The following SLIT1 variants were observed in gnomAD, a reference collection of about 807,000 sequenced individuals.
SLIT1 encodes slit guidance ligand 1.
In SLIT1, 66 loss-of-function variants were observed where a neutral mutation model predicts 186.1. The ratio of observed to expected loss-of-function variants is 0.35; its 90% CI spans 0.29 to 0.44. The LOEUF is 0.44. SLIT1 is among the 20% of genes least tolerant of loss of function. The pLI is 1.00. For synonymous variants in SLIT1, 761 were observed against 833.8 expected (o/e 0.91, Z 1.50); for missense variants, 1,638 against 2,037.4 (o/e 0.80, Z 3.77).
chr10:97,093,921 A>G (rs1849259591), intron 4 of SLIT1, among the ~76,000 whole-genome samples: 1 of 152,230 alleles, frequency 6.6e-6, no homozygotes, highest in Non-Finnish European at 1.5e-5. Context: ...TCACAGCCAC[A>G]CTTTCCCTTA....
At chr10:97,008,635 G>T (rs1264960608) in intron 31 of SLIT1, among the ~76,000 whole-genome samples, 2 of 151,050 alleles carry the variant, frequency 1.3e-5, no homozygotes, top group East Asian at 2.0e-4. Flanking sequence ...GGTGGAGGTT[G>T]CAGTGAGCCA....
At chr10:97,002,492 C>G (rs1175680476) in intron 35 of SLIT1, 123 bp from the exon 36 acceptor site, 11 of 624,802 alleles carry the variant, frequency 1.8e-5, no homozygotes, top group Non-Finnish European at 2.5e-6. Context: ...TTAATCTGTT[C>G]CCAAAACTGA....
At chr10:97,119,912 G>GAT (rs1564680617) in intron 4 of SLIT1, among the ~76,000 whole-genome samples, 2 of 15,840 alleles carry the variant, frequency 1.3e-4, no homozygotes, top group Non-Finnish European at 3.7e-4. Context: ...TTTCCAAAGG[G>GAT]GTATATATAT....
At chr10:97,033,539 G>T (rs766775643) in intron 23 of SLIT1, among the ~76,000 whole-genome samples, 5 of 152,208 alleles carry the variant, frequency 3.3e-5, no homozygotes, top group Admixed American at 6.5e-5. Context: ...GATGAGGAAA[G>T]TGTGGCCCGT....
chr10:97,003,660 G>A (rs1028490076), intron 34 of SLIT1, among the ~76,000 whole-genome samples: 1 of 152,160 alleles, frequency 6.6e-6, no homozygotes, highest in Non-Finnish European at 1.5e-5. Context: ...AAGGCCAGCC[G>A]AGGCAGTCCC....
rs1554854785 is a variant in SLIT1 at position 97,166,569 on chromosome 10, G to GAGAAAGAA, written c.198-1687_198-1680dup. Among the ~76,000 whole-genome samples, 115 of 58,938 alleles carry GAGAAAGAA rather than the reference G, an allele frequency of 2.0e-3. 4 individuals carry two copies. Among genetic ancestry groups the GAGAAAGAA allele is most frequent in the Admixed American group, 6.1e-3 (32 of 5,274 alleles). The allele number at this position is 58,938 out of a possible 152,430, so 38.7% of individuals were successfully genotyped here. ...AAGGAAGGAAGGAAAGAGAGAGAGA[G>GAGAAAGAA]AGAAAGAAAGAAAGAAAGAAAGAAA... is the stretch of plus-strand genomic sequence containing the variant. On this transcript the variant is annotated intron_variant, in intron 1 of 36. Coordinates refer to ENST00000266058, the MANE Select transcript of SLIT1 (RefSeq NM_003061.3).
Position 97,035,785 on chromosome 10 carries a change from C to T in SLIT1, c.2367-1243G>A, listed in dbSNP as rs866285143. Among the ~76,000 whole-genome samples the T allele has an allele frequency of 2.6e-4, 39 of 152,232 alleles. No homozygotes were observed. In the Middle Eastern group the frequency reaches 0.02, roughly 80 times the overall value. ...CCCTCCCTCCCTCTGCTCCCTGCTC[C>T]GAAGACTTCCCAGGCTTAGGATTCA... On this transcript the variant is annotated intron_variant, in intron 22 of 36. Coordinates refer to ENST00000266058, the MANE Select transcript of SLIT1 (RefSeq NM_003061.3).
intron 20 of SLIT1, among the ~76,000 whole-genome samples, chr10:97,040,596 A>G (rs1848682322): frequency 6.6e-6 from 1 of 152,188 alleles, no homozygotes; most frequent in Non-Finnish European, 1.5e-5. Context: ...AGCAGCCCTC[A>G]AAACAGATGA....
At chr10:97,149,386 G>T (rs570251484) in intron 4 of SLIT1, among the ~76,000 whole-genome samples, 1 of 152,322 alleles carries the variant, frequency 6.6e-6, no homozygotes, top group South Asian at 2.1e-4. Flanking sequence ...TCCCCAAATT[G>T]TTCTCTGTGT....
At chr10:97,185,074 C>G (rs766261890) in intron 1 of SLIT1, among the ~76,000 whole-genome samples, 2 of 152,244 alleles carry the variant, frequency 1.3e-5, no homozygotes, top group African/African-American at 4.8e-5. Flanking sequence ...AGAACGCGGC[C>G]GTAGCCCCAT....
rs575211868 is a variant in SLIT1, at chr10:97,018,444, C to T, written c.2969+142G>A. ...AGCCCTCTGGCTATGATTTGGAGTA[C>T]ATGCCTGCCCCCGACAGTGCGCCTC... On this transcript the variant is annotated intron_variant, in intron 28 of 36. Transcript: ENST00000266058. 186 of 581,284 alleles carry T rather than the reference C, an allele frequency of 3.2e-4. 1 individual carries two copies. The African/African-American group carries it at 3.3e-3, about 10-fold the overall frequency. 36.0% of individuals were successfully genotyped at this position (581,284 alleles called of 1,614,324 possible).
chr10:97,110,650 A>G (rs1849456182), intron 4 of SLIT1, among the ~76,000 whole-genome samples: 2 of 152,250 alleles, frequency 1.3e-5, no homozygotes, highest in Admixed American at 1.3e-4. Context: ...ATATACATCT[A>G]TGTAGCAACA....
chr10:97,146,539 C>T (rs1849819421), intron 4 of SLIT1, among the ~76,000 whole-genome samples: 1 of 151,976 alleles, frequency 6.6e-6, no homozygotes, highest in Non-Finnish European at 1.5e-5. Flanking sequence ...CTGTGACTAC[C>T]CACACAGAGA....
intron 23 of SLIT1, among the ~76,000 whole-genome samples, chr10:97,033,359 A>C (rs1478057773): frequency 6.6e-6 from 1 of 152,080 alleles, no homozygotes; most frequent in Non-Finnish European, 1.5e-5. Context: ...ACTTTTACAC[A>C]CCAGGCAAAT....
intron 1 of SLIT1, among the ~76,000 whole-genome samples, chr10:97,176,919 GAGCT>G (rs1429057481): frequency 6.6e-6 from 1 of 152,142 alleles, no homozygotes; most frequent in Non-Finnish European, 1.5e-5. Context: ...ATGTGGGTGG[GAGCT>G]AATGTGTGTG....
intron 26 of SLIT1, among the ~76,000 whole-genome samples, chr10:97,019,855 C>T (rs375368622): frequency 3.3e-5 from 5 of 152,168 alleles, no homozygotes; most frequent in Non-Finnish European, 2.9e-5. Context: ...TGGAATATTA[C>T]TCCTGCTGAA....
At chr10:97,165,230 C>T (rs528700904) in intron 1 of SLIT1, among the ~76,000 whole-genome samples, 157 of 152,322 alleles carry the variant, frequency 1.0e-3, no homozygotes, top group African/African-American at 3.6e-3. Flanking sequence ...ACAGGCTATT[C>T]AGGTAGAATC....
chr10:97,101,922 T>C (rs1849358664), intron 4 of SLIT1: 1 of 152,228 alleles, frequency 6.6e-6, no homozygotes, highest in Non-Finnish European at 1.5e-5. Flanking sequence ...TGGAAAATAC[T>C]AATTGCTCCT....
At chr10:97,037,982 A>G (rs538333268) in intron 21 of SLIT1, among the ~76,000 whole-genome samples, 9 of 152,132 alleles carry the variant, frequency 5.9e-5, no homozygotes, top group East Asian at 3.9e-4. Context: ...TAAAAAGCCA[A>G]TAGTCACGTG....
Sources: allele counts gnomAD v4.1 joint callset (sites outside exome capture counted in the v4.1 genomes callset), GRCh38; gene constraint gnomAD v4.1.1; transcripts MANE v1.5; gene names NCBI Gene and HGNC (gene_info 2026-07-23, HGNC 2026-07-21).